TMTC1: variants seen among roughly 807,000 people sequenced by gnomAD.
TMTC1 encodes the protein transmembrane O-mannosyltransferase targeting cadherins 1, also known as protein O-mannosyl-transferase TMTC1.
TMTC1 carries 73 observed loss-of-function variants against 104.8 expected under a neutral mutation model. That is an observed-to-expected ratio of 0.70 (90% confidence interval 0.58 to 0.85). The LOEUF (loss-of-function observed/expected upper bound fraction) is 0.85, where lower values mean the gene tolerates loss of function less well. TMTC1 is among the 40% of genes least tolerant of loss of function. The pLI, the probability that TMTC1 is intolerant of heterozygous loss-of-function variation, is 0.00. For missense variants in TMTC1, 1,035 were observed against 1,096.1 expected, an observed-to-expected ratio of 0.94 and a Z score of 0.79; for synonymous variants, 434 against 428.7, an observed-to-expected ratio of 1.01 and a Z score of -0.15.
intron 6 of TMTC1, among the ~76,000 whole-genome samples, chr12:29,630,956 A>T (rs1055557183): frequency 6.6e-6 from 1 of 152,200 alleles, no homozygotes; most frequent in Non-Finnish European, 1.5e-5. Context: ...CATTATAGTG[A>T]GAGTATAATG....
chr12:29,639,398 T>A (rs543851188), intron 5 of TMTC1, among the ~76,000 whole-genome samples: 1 of 152,248 alleles, frequency 6.6e-6, no homozygotes, highest in South Asian at 2.1e-4. Context: ...ATGACATTTT[T>A]AAAGAACAGT....
intron 5 of TMTC1, among the ~76,000 whole-genome samples, chr12:29,668,171 T>C (rs560422158): frequency 2.0e-5 from 3 of 152,326 alleles, no homozygotes; most frequent in East Asian, 1.9e-4. Flanking sequence ...ACAGACTGAG[T>C]AACTTACAAA....
chr12:29,568,643 G>A (rs184711992), intron 9 of TMTC1: 190 of 187,440 alleles, frequency 1.0e-3, no homozygotes, highest in African/African-American at 4.1e-3. Flanking sequence ...ATACTCAAGC[G>A]TTTGCTTAAT....
intron 5 of TMTC1, among the ~76,000 whole-genome samples, chr12:29,714,708 C>T (rs1363094802): frequency 6.6e-6 from 1 of 152,234 alleles, no homozygotes; most frequent in Non-Finnish European, 1.5e-5. Context: ...CTGACTGGCT[C>T]TCTCCCAAAC....
At chr12:29,674,323 G>C (rs1454492869) in intron 5 of TMTC1, among the ~76,000 whole-genome samples, 2 of 108,694 alleles carry the variant, frequency 1.8e-5, no homozygotes, top group Admixed American at 1.9e-4. Flanking sequence ...ACAGTGCCCA[G>C]CACATAAAGG....
At chr12:29,777,550 A>T (rs1414065652) in intron 1 of TMTC1, among the ~76,000 whole-genome samples, 2 of 151,926 alleles carry the variant, frequency 1.3e-5, no homozygotes, top group East Asian at 3.9e-4. Context: ...ACCTATAAAA[A>T]CCCTCATGAG....
chr12:29,643,544 C>T (rs1158428868), intron 5 of TMTC1, among the ~76,000 whole-genome samples: 1 of 51,998 alleles, frequency 1.9e-5, no homozygotes, highest in Non-Finnish European at 3.4e-5. Context: ...TAATATATAT[C>T]ACATATATGT....
chr12:29,529,314 T>G (rs1944434349), intron 11 of TMTC1, among the ~76,000 whole-genome samples: 1 of 152,052 alleles, frequency 6.6e-6, no homozygotes, highest in African/African-American at 2.4e-5. Flanking sequence ...TATAGAGGTG[T>G]AGAGTGTGGT....
chr12:29,624,192 C>T (rs907840539), intron 6 of TMTC1, among the ~76,000 whole-genome samples: 1 of 152,050 alleles, frequency 6.6e-6, no homozygotes, highest in African/African-American at 2.4e-5. Flanking sequence ...ATTGGCCAGG[C>T]TGGCTTCAAA....
intron 9 of TMTC1, among the ~76,000 whole-genome samples, chr12:29,557,401 G>A (rs1945272477): frequency 6.6e-6 from 1 of 152,190 alleles, no homozygotes; most frequent in Admixed American, 6.5e-5. Flanking sequence ...TACACCAGAT[G>A]CTGAGCGATC....
intron 9 of TMTC1, among the ~76,000 whole-genome samples, chr12:29,564,961 G>A (rs754454051): frequency 7.2e-5 from 11 of 152,168 alleles, no homozygotes; most frequent in Admixed American, 1.3e-4. Flanking sequence ...AGCCTTAGGC[G>A]TGAAAAATGA....
At chr12:29,756,128 C>T (rs760363951) in intron 3 of TMTC1, among the ~76,000 whole-genome samples, 14 of 152,144 alleles carry the variant, frequency 9.2e-5, no homozygotes, top group Non-Finnish European at 1.5e-4. Flanking sequence ...AAAATTCTAC[C>T]AGAGAGACAT....
At chr12:29,572,357 CT>C in intron 8 of TMTC1, 139 bp from the exon 9 acceptor site, 1 of 708,740 alleles carries the variant, frequency 1.4e-6, no homozygotes, top group East Asian at 2.8e-5. Flanking sequence ...GCCTACAAGG[CT>C]TCCAAAATTT....
chr12:29,684,275 A>G (rs1941021223), intron 5 of TMTC1, among the ~76,000 whole-genome samples: 1 of 152,214 alleles, frequency 6.6e-6, no homozygotes, highest in African/African-American at 2.4e-5. Context: ...ATTGATAATG[A>G]CAAGAGAAAA....
intron 5 of TMTC1, among the ~76,000 whole-genome samples, chr12:29,648,648 C>A (rs192094276): frequency 6.6e-6 from 1 of 152,198 alleles, no homozygotes; most frequent in African/African-American, 2.4e-5. Context: ...GGGGTCAAGC[C>A]AGGAGCACAG....
intron 5 of TMTC1, among the ~76,000 whole-genome samples, chr12:29,656,103 A>C (rs1275306428): frequency 6.6e-6 from 1 of 152,138 alleles, no homozygotes; most frequent in African/African-American, 2.4e-5. Flanking sequence ...TAAGAAGGAA[A>C]GAAAAGCCAA....
intron 5 of TMTC1, among the ~76,000 whole-genome samples, chr12:29,653,941 A>T (rs1267128333): frequency 1.3e-5 from 2 of 152,236 alleles, no homozygotes; most frequent in South Asian, 4.1e-4. Context: ...CATAATCTTC[A>T]TACAAATACA....
chr12:29,688,056 A>G (rs949158794), intron 5 of TMTC1, among the ~76,000 whole-genome samples: 6 of 152,160 alleles, frequency 3.9e-5, no homozygotes, highest in Admixed American at 3.9e-4. Flanking sequence ...AACATTTAGG[A>G]GGAAAGGGGT....
intron 7 of TMTC1, among the ~76,000 whole-genome samples, chr12:29,594,682 C>T (rs1946362688): frequency 6.6e-6 from 1 of 152,166 alleles, no homozygotes; most frequent in African/African-American, 2.4e-5. Context: ...GCTGAAATGG[C>T]AACACTTAGG....
Sources: gnomAD v4.1 joint callset for allele counts (sites outside exome capture counted in the v4.1 genomes callset) on GRCh38, gnomAD v4.1.1 for gene constraint, MANE v1.5 for transcripts, NCBI Gene and HGNC (gene_info 2026-07-23, HGNC 2026-07-21) for gene names.